The following CCDC171 variants were observed in gnomAD, a reference collection of about 807,000 sequenced individuals.
The protein encoded by CCDC171 is coiled-coil domain containing 171, also known as coiled-coil domain-containing protein 171.
In CCDC171, 177 loss-of-function variants were observed where a neutral mutation model predicts 168.2. The ratio of observed to expected loss-of-function variants is 1.05; its 90% CI spans 0.93 to 1.19. CCDC171 has a LOEUF of 1.19. Among genes scored for constraint, CCDC171 ranks in the 50% most tolerant of loss-of-function variants. The pLI is 0.00. For missense variants in CCDC171, 1,991 were observed against 1,539.0 expected, an observed-to-expected ratio of 1.29 and a Z score of -4.91; for synonymous variants, 687 against 540.8, an observed-to-expected ratio of 1.27 and a Z score of -3.75.
rs570464811 is a variant in CCDC171 at position 15,985,139 on chromosome 9, A to T, written n.369-35450A>T. On this transcript the variant is annotated intron_variant and non_coding_transcript_variant, in intron 3 of 9. Coordinates refer to the CCDC171 transcript ENST00000486641. ...TTAGAAGAAAATAAACTCTATAAAGACAGCAGAGGAACATTTCACTGTGTA... is the reference window on the plus strand; with the variant it reads ...TTAGAAGAAAATAAACTCTATAAAGTCAGCAGAGGAACATTTCACTGTGTA... Among the ~76,000 whole-genome samples the T allele has an allele frequency of 7.9e-5, 12 of 152,270 alleles. No individual in the cohort carries two copies. The East Asian group carries it at 1.7e-3, about 22-fold the overall frequency.
intron 11 of CCDC171, among the ~76,000 whole-genome samples, chr9:15,704,308 A>C (rs2052037294): frequency 6.6e-6 from 1 of 152,208 alleles, no homozygotes; most frequent in African/African-American, 2.4e-5. Context: ...GGATTACTTG[A>C]GCCTAGGAGT....
intron 7 of CCDC171, among the ~76,000 whole-genome samples, chr9:15,653,356 G>A (rs908782841): frequency 7.2e-5 from 11 of 151,904 alleles, no homozygotes; most frequent in East Asian, 1.9e-4. Flanking sequence ...TGCCCAGGCT[G>A]GCCTTGGACT....
chr9:15,738,351 G>C (rs1272386400), intron 16 of CCDC171, among the ~76,000 whole-genome samples: 2 of 152,184 alleles, frequency 1.3e-5, no homozygotes, highest in Non-Finnish European at 2.9e-5. Flanking sequence ...ATTTATTAGA[G>C]AGTAAAGGAA....
At chr9:15,827,108 C>A (rs1046183762) in intron 21 of CCDC171, among the ~76,000 whole-genome samples, 1 of 152,126 alleles carries the variant, frequency 6.6e-6, no homozygotes, top group South Asian at 2.1e-4. Context: ...TATGCTGGTC[C>A]TTCCTTTTTG....
exon 5 of CCDC171, chr9:16,022,572 C>T (rs1191993107): frequency 6.6e-6 from 1 of 152,396 alleles, no homozygotes; most frequent in Non-Finnish European, 1.5e-5. Flanking sequence ...CCTGGACAAA[C>T]ATGCAGTCTA....
At chr9:15,940,819 C>A (rs1238809699) in intron 25 of CCDC171, among the ~76,000 whole-genome samples, 1 of 151,830 alleles carries the variant, frequency 6.6e-6, no homozygotes, top group Admixed American at 6.6e-5. Flanking sequence ...TCTGAGAGTT[C>A]AAGAACAACC....
intron 21 of CCDC171, among the ~76,000 whole-genome samples, chr9:15,805,921 T>A (rs2059052228): frequency 6.6e-6 from 1 of 152,308 alleles, no homozygotes; most frequent in South Asian, 2.1e-4. Flanking sequence ...AAGAATGTGC[T>A]TTATGAATCT....
intron 1 of CCDC171, among the ~76,000 whole-genome samples, chr9:16,048,821 C>A (rs1586860388): frequency 6.6e-6 from 1 of 151,986 alleles, no homozygotes; most frequent in African/African-American, 2.4e-5. Flanking sequence ...GTTATTAGAA[C>A]AGTACCTCGC....
In CCDC171 at chr9:15,695,261, A is replaced by G. The variant is rs775854683; in HGVS notation, c.1242A>G (p.Val414=). Residue 414 remains valine, a synonymous_variant, in exon 11 of 26, where the codon GTA becomes GTG. Coordinates refer to ENST00000380701, the MANE Select transcript of CCDC171 (RefSeq NM_173550.4). ...VMAKKHQAFL[V]ETCENNVKEL... ...CTAAGAAGCACCAGGCCTTCCTAGT[A>G]GAGACATGTGAAAATAACGTGAAAG... 1 of 1,614,096 alleles carries G rather than the reference A, an allele frequency of 6.2e-7. No homozygotes were observed. Among genetic ancestry groups the G allele is most frequent in the East Asian group, 2.2e-5 (1 of 44,888 alleles).
chr9:15,826,820 C>G (rs1051911455), intron 21 of CCDC171, among the ~76,000 whole-genome samples: 1 of 152,192 alleles, frequency 6.6e-6, no homozygotes. Flanking sequence ...TCCATGGAAT[C>G]CATGAGTCTA....
intron 10 of CCDC171, among the ~76,000 whole-genome samples, chr9:15,682,562 C>G (rs1434190083): frequency 6.6e-6 from 1 of 151,776 alleles, no homozygotes; most frequent in African/African-American, 2.4e-5. Context: ...TGGGTAATTA[C>G]TATCTCAAAC....
rs139636665 is a variant in CCDC171, at chr9:15,626,614, G to A, written c.822+3201G>A. 3.1e-4 allele frequency among the ~76,000 whole-genome samples: 47 copies of A among 152,200 alleles called. 1 individual carries two copies. Among genetic ancestry groups the A allele is most frequent in the African/African-American group, 7.5e-4 (31 of 41,548 alleles). On this transcript the variant is annotated intron_variant, in intron 7 of 25. Coordinates refer to ENST00000380701, the MANE Select transcript of CCDC171 (RefSeq NM_173550.4). The stretch of plus-strand genomic sequence containing the variant: ...TGGGTCTGTTTATATGATGGATTAC[G>A]TTTATTGATTTGTGTACGTTGAACC...
intron 7 of CCDC171, among the ~76,000 whole-genome samples, chr9:15,639,561 G>C (rs781321444): frequency 3.3e-5 from 5 of 152,044 alleles, no homozygotes; most frequent in Non-Finnish European, 4.4e-5. Context: ...AATCTGAGTG[G>C]TATACTTCAT....
chr9:16,103,108 G>T, the CCDC171 span, among the ~76,000 whole-genome samples: 69 of 152,326 alleles, frequency 4.5e-4, no homozygotes, highest in South Asian at 6.2e-3. Flanking sequence ...GTCTTGGCAG[G>T]TCCATCGGCC....
intron 10 of CCDC171, among the ~76,000 whole-genome samples, chr9:15,685,512 G>A (rs2050330155): frequency 6.6e-6 from 1 of 152,180 alleles, no homozygotes; most frequent in East Asian, 1.9e-4. Context: ...ACGTGTGCCT[G>A]TAGTTCTAGC....
intron 21 of CCDC171, among the ~76,000 whole-genome samples, chr9:15,801,135 C>A (rs986532103): frequency 4.0e-5 from 6 of 149,616 alleles, no homozygotes; most frequent in African/African-American, 1.5e-4. Context: ...TTTTTTTTTT[C>A]TATTTGTATG....
intron 2 of CCDC171, among the ~76,000 whole-genome samples, chr9:15,569,103 T>A (rs1226454668): frequency 6.6e-6 from 1 of 152,238 alleles, no homozygotes; most frequent in Non-Finnish European, 1.5e-5. Context: ...TTTTGTTCCT[T>A]GTTTTCTGAA....
At chr9:15,571,036 C>G (rs993273275) in intron 2 of CCDC171, among the ~76,000 whole-genome samples, 1 of 152,124 alleles carries the variant, frequency 6.6e-6, no homozygotes, top group South Asian at 2.1e-4. Flanking sequence ...ACTTTTACCT[C>G]CATTTTCAAA....
At chr9:15,993,061 C>A (rs529476927) in intron 3 of CCDC171, among the ~76,000 whole-genome samples, 2 of 152,280 alleles carry the variant, frequency 1.3e-5, no homozygotes, top group African/African-American at 4.8e-5. Context: ...ATCAAGCTAC[C>A]AATGACTGTC....
Sources: gnomAD v4.1 joint callset for allele counts (sites outside exome capture counted in the v4.1 genomes callset) on GRCh38, gnomAD v4.1.1 for gene constraint, MANE v1.5 for transcripts, NCBI Gene and HGNC (gene_info 2026-07-23, HGNC 2026-07-21) for gene names.